ZNF558: variants seen among roughly 807,000 people sequenced by gnomAD.
ZNF558 encodes zinc finger protein 558.
In ZNF558, 23 loss-of-function variants were observed where a neutral mutation model predicts 37.6. The ratio of observed to expected loss-of-function variants is 0.61; its 90% CI spans 0.44 to 0.87. The LOEUF is 0.87. ZNF558 is among the 40% of genes least tolerant of loss of function. The probability of loss-of-function intolerance (pLI) is 0.00; values close to 1 mark genes in which losing one functional copy is unlikely to be tolerated. For missense variants in ZNF558, 429 were observed against 483.7 expected, an observed-to-expected ratio of 0.89 and a Z score of 1.06; for synonymous variants, 189 against 174.4, an observed-to-expected ratio of 1.08 and a Z score of -0.66.
Position 8,811,122 on chromosome 19 carries a change from T to C in ZNF558, c.*159A>G. ...TTCTTGAATTCCTGATCTGTAGAAA[T>C]TGTTAGAGAATAAACATTTCGTGTT... On this transcript the variant is annotated 3_prime_UTR_variant, in exon 10 of 10. Coordinates refer to ENST00000601372, the MANE Select transcript of ZNF558 (RefSeq NM_144693.3). 1 of 641,440 alleles carries C rather than the reference T, an allele frequency of 1.6e-6. No homozygotes were observed. The highest frequency in any genetic ancestry group is 1.8e-5 in the African/African-American group (1 of 54,660). The allele number at this position is 641,440 out of a possible 1,614,324, so 39.7% of individuals were successfully genotyped here.
chr19:8,813,221 C>A lies in ZNF558; in HGVS notation c.249G>T (p.Gly83=), dbSNP rs782500008. ...LENCRNLASL[G]CRVNKPSLIS... is the part of the protein sequence containing the mutation. ...TCAGACTGGGTTTATTAACACGACA[C>A]CCTATTTATGGAAACAATACACATG... Residue 83 remains glycine, a splice_region_variant and synonymous_variant, in exon 8 of 10, where the codon GGG becomes GGT. Coordinates refer to ENST00000601372, the MANE Select transcript of ZNF558 (RefSeq NM_144693.3). 1.9e-6 allele frequency: 3 copies of A among 1,584,822 alleles called. No individual in the cohort carries two copies. Among genetic ancestry groups the A allele is most frequent in the South Asian group, 1.2e-5 (1 of 86,774 alleles).
intron 2 of ZNF558, among the ~76,000 whole-genome samples, chr19:8,830,054 G>A (rs939114299): frequency 6.6e-6 from 1 of 152,166 alleles, no homozygotes; most frequent in African/African-American, 2.4e-5. Flanking sequence ...CTGGTAGGAG[G>A]TGACTGAATC....
intron 7 of ZNF558, among the ~76,000 whole-genome samples, chr19:8,818,078 G>T (rs2043985820): frequency 6.6e-6 from 1 of 152,086 alleles, no homozygotes; most frequent in African/African-American, 2.4e-5. Flanking sequence ...TATATGTTAG[G>T]CTATAAAAAA....
chr19:8,829,090 C>T (rs533623150), intron 2 of ZNF558, among the ~76,000 whole-genome samples: 28 of 152,022 alleles, frequency 1.8e-4, no homozygotes, highest in African/African-American at 5.3e-4. Context: ...GGTGAAACCC[C>T]GTCTCTACTG....
At chr19:8,828,715 A>G (rs1397950910) in intron 2 of ZNF558, among the ~76,000 whole-genome samples, 1 of 152,046 alleles carries the variant, frequency 6.6e-6, no homozygotes, top group Non-Finnish European at 1.5e-5. Flanking sequence ...TAATCCCAGC[A>G]CTTTGGGAGG....
intron 2 of ZNF558, among the ~76,000 whole-genome samples, chr19:8,827,354 A>G (rs1309739801): frequency 6.6e-6 from 1 of 151,828 alleles, no homozygotes; most frequent in Non-Finnish European, 1.5e-5. Context: ...TTCCTAAACT[A>G]CCTCCAAACA....
rs151066007 is a variant in ZNF558 at position 8,822,041 on chromosome 19, C to T, written c.82G>A (p.Gly28Arg). 6.9e-5 allele frequency: 111 copies of T among 1,613,932 alleles called. No individual in the cohort carries two copies. Among genetic ancestry groups the T allele is most frequent in the East Asian group, 1.3e-4 (6 of 44,874 alleles). The change falls in exon 6 of 10, where the codon GGA becomes AGA. Residue 28 changes from glycine to arginine, a missense_variant. By Grantham distance (125) the Gly-to-Arg change is moderately radical. Coordinates refer to ENST00000601372, the MANE Select transcript of ZNF558 (RefSeq NM_144693.3). The surrounding 1 kb of genome is among the most constrained non-coding windows in gnomAD (Gnocchi z 4.4). ...ASQQKGHTQG[G>R]ELVNELLTSW... ...GTCAGGAGCTCATTAACCAGCTCTC[C>T]GCCCTGTGTGTGTCCTTTTTGCTGA...
chr19:8,817,702 G>A (rs936636752), intron 7 of ZNF558, among the ~76,000 whole-genome samples: 1 of 152,034 alleles, frequency 6.6e-6, no homozygotes, highest in African/African-American at 2.4e-5. Flanking sequence ...TGAAAGAATG[G>A]AAAAAGATAT....
chr19:8,834,594 G>A (rs2044432813), upstream of ZNF558, among the ~76,000 whole-genome samples: 1 of 139,124 alleles, frequency 7.2e-6, no homozygotes, highest in African/African-American at 2.7e-5. Flanking sequence ...AGAACAGAGC[G>A]AGACTCCATC....
chr19:8,816,834 T>C (rs556613143), intron 7 of ZNF558, among the ~76,000 whole-genome samples: 3 of 152,202 alleles, frequency 2.0e-5, no homozygotes, highest in Non-Finnish European at 4.4e-5. Context: ...GCATAAATGA[T>C]TACACATCTA....
At chr19:8,828,911 T>C (rs1237730206) in intron 2 of ZNF558, among the ~76,000 whole-genome samples, 1 of 150,452 alleles carries the variant, frequency 6.6e-6, no homozygotes, top group Non-Finnish European at 1.5e-5. Context: ...TGCAGTGAGC[T>C]GAGATCGTGC....
chr19:8,825,866 A>G (rs1336559557), intron 2 of ZNF558, among the ~76,000 whole-genome samples: 2 of 152,162 alleles, frequency 1.3e-5, no homozygotes, highest in Admixed American at 1.3e-4. Context: ...ACTCCCTTAC[A>G]TGGCAAAAGG....
chr19:8,813,539 A>G (rs1182448287), intron 7 of ZNF558, among the ~76,000 whole-genome samples: 1 of 151,964 alleles, frequency 6.6e-6, no homozygotes, highest in Non-Finnish European at 1.5e-5. Context: ...TTGTATTTTT[A>G]GTAGAGACGG....
intron 7 of ZNF558, among the ~76,000 whole-genome samples, chr19:8,819,761 A>G (rs1349804408): frequency 6.6e-6 from 1 of 152,126 alleles, no homozygotes; most frequent in Non-Finnish European, 1.5e-5. Context: ...AACACAGCGA[A>G]ACCCTGTCTC....
At chr19:8,835,047 A>AG (rs1184866636), upstream of ZNF558, among the ~76,000 whole-genome samples, 2 of 150,500 alleles carry the variant, frequency 1.3e-5, no homozygotes, top group African/African-American at 4.9e-5. Flanking sequence ...GTGAACAAAG[A>AG]GTTTTTTTTT....
intron 7 of ZNF558, among the ~76,000 whole-genome samples, chr19:8,817,663 A>C (rs1257792562): frequency 6.6e-6 from 1 of 152,098 alleles, no homozygotes; most frequent in African/African-American, 2.4e-5. Context: ...CACTTGCTTT[A>C]TATTCAAAGA....
chr19:8,822,588 C>A lies in ZNF558; in HGVS notation c.31+41G>T. 6.2e-7 allele frequency: 1 copy of A among 1,613,886 alleles called. No individual in the cohort carries two copies. The highest frequency in any genetic ancestry group is 8.5e-7 in the Non-Finnish European group (1 of 1,179,816). Reference sequence around the variant, plus strand: ...TCCCATGCTGTGGGTCAGAACCTTTCAAGGCTGGACTCTGAGAAATGTCAG... The same window carrying A: ...TCCCATGCTGTGGGTCAGAACCTTTAAAGGCTGGACTCTGAGAAATGTCAG... On this transcript the variant is annotated intron_variant, in intron 5 of 9. Coordinates refer to ENST00000601372, the MANE Select transcript of ZNF558 (RefSeq NM_144693.3). The surrounding 1 kb of genome is among the most constrained non-coding windows in gnomAD (Gnocchi z 4.4).
chr19:8,813,301 T>C (rs1046236334), intron 7 of ZNF558, 79 bp from the exon 8 acceptor site: 3 of 1,116,704 alleles, frequency 2.7e-6, no homozygotes, highest in Non-Finnish European at 4.0e-6. Context: ...CCAACATTTA[T>C]GAAGATGGAA....
chr19:8,809,688 T>C lies in ZNF558; in HGVS notation c.*1593A>G, dbSNP rs369069880. On this transcript the variant is annotated 3_prime_UTR_variant, in exon 10 of 10. Coordinates refer to ENST00000601372, the MANE Select transcript of ZNF558 (RefSeq NM_144693.3). ...ATGTCTTTAACAAGCAAATTAATTA[T>C]AATAAATACATTGCATTAAAATTAT... is the stretch of plus-strand genomic sequence containing the variant. 22 of 152,218 alleles carry C rather than the reference T, an allele frequency of 1.4e-4. No individual in the cohort carries two copies. In the East Asian group the frequency reaches 2.9e-3, roughly 20 times the overall value. 9.4% of individuals were successfully genotyped at this position (152,218 alleles called of 1,614,324 possible).
Sources: allele counts gnomAD v4.1 joint callset (sites outside exome capture counted in the v4.1 genomes callset), GRCh38; gene constraint gnomAD v4.1.1; non-coding constraint Gnocchi (gnomAD v3.1); transcripts MANE v1.5; gene names NCBI Gene and HGNC (gene_info 2026-07-23, HGNC 2026-07-21).